The following SYAP1 variants were observed in gnomAD, a reference collection of about 807,000 sequenced individuals.
The protein encoded by SYAP1 is synapse-associated protein 1.
Under a neutral mutation model 29.6 loss-of-function variants are expected in SYAP1, and 3 were observed. That is an observed-to-expected ratio of 0.10 (90% CI 0.05 to 0.26). SYAP1 has a LOEUF of 0.26. Among genes scored for constraint, SYAP1 ranks in the 10% least tolerant of loss-of-function variants. The probability of loss-of-function intolerance (pLI) is 1.00; values close to 1 mark genes in which losing one functional copy is unlikely to be tolerated. For synonymous variants in SYAP1, 102 were observed against 102.7 expected (o/e 0.99, Z 0.04); for missense variants, 217 against 264.1 (o/e 0.82, Z 1.24).
Position 16,762,732 on chromosome X carries a change from G to T in SYAP1, c.*2373G>T, listed in dbSNP as rs1927010651. The T allele has an allele frequency of 8.9e-6, 1 of 111,908 alleles. No homozygotes were observed. The highest frequency in any genetic ancestry group is 3.2e-5 in the African/African-American group (1 of 30,779). The allele number at this position is 111,908 out of a possible 1,213,427, so 9.2% of individuals were successfully genotyped here. On this transcript the variant is annotated 3_prime_UTR_variant, in exon 9 of 9. Transcript: ENST00000380155. ...CTCAAAGAGTGTGGCTCAGGAACCA[G>T]TGTAGCTTGGCCATGCCCTGGCAGT... is the stretch of plus-strand genomic sequence containing the variant.
At chrX:16,726,183 A>G (rs1289368432) in intron 1 of SYAP1, among the ~76,000 whole-genome samples, 2 of 112,262 alleles carry the variant, frequency 1.8e-5, no homozygotes, top group Non-Finnish European at 3.8e-5. Flanking sequence ...CTTCTAAGCT[A>G]TACGTCTACG....
intron 3 of SYAP1, among the ~76,000 whole-genome samples, chrX:16,737,668 AT>A (rs1454220878): frequency 9.0e-6 from 1 of 111,614 alleles, no homozygotes; most frequent in African/African-American, 3.3e-5. Context: ...TGAGTTAGAC[AT>A]CCCGGAGATA....
At chrX:16,735,872 G>A (rs533326086) in intron 2 of SYAP1, among the ~76,000 whole-genome samples, 4 of 112,609 alleles carry the variant, frequency 3.6e-5, no homozygotes, top group African/African-American at 9.6e-5. Context: ...TGATCCACCC[G>A]CCTTGCCCTC....
chrX:16,737,221 AT>A (rs1168330675), intron 3 of SYAP1, among the ~76,000 whole-genome samples: 1 of 111,529 alleles, frequency 9.0e-6, no homozygotes, highest in African/African-American at 3.3e-5. Context: ...CTACAAAAAA[AT>A]AAAAAGAAAT....
At chrX:16,741,348 C>T (rs1267293805) in intron 3 of SYAP1, among the ~76,000 whole-genome samples, 4 of 110,702 alleles carry the variant, frequency 3.6e-5, no homozygotes, top group African/African-American at 1.3e-4. Flanking sequence ...CAGGCACGCA[C>T]AACGTCTGGC....
At chrX:16,757,612 A>T (rs1001535001) in intron 8 of SYAP1, among the ~76,000 whole-genome samples, 12 of 110,739 alleles carry the variant, frequency 1.1e-4, no homozygotes, top group Non-Finnish European at 1.9e-5. Context: ...AGTCCCAGCT[A>T]TTCGGAAGGC....
chrX:16,760,548 C>A lies in SYAP1; in HGVS notation c.*189C>A. 3.5e-6 allele frequency: 1 copy of A among 288,987 alleles called. No individual in the cohort carries two copies. Among genetic ancestry groups the A allele is most frequent in the Non-Finnish European group, 5.8e-6 (1 of 172,799 alleles). 23.8% of individuals were successfully genotyped at this position (288,987 alleles called of 1,213,427 possible). On this transcript the variant is annotated 3_prime_UTR_variant, in exon 9 of 9. Transcript: ENST00000380155. Reference sequence around the variant, plus strand: ...ATATAGAACAGTTACTTCTAATAATCAGAAAGAGATGTTTTATAGAACATT... The same window carrying A: ...ATATAGAACAGTTACTTCTAATAATAAGAAAGAGATGTTTTATAGAACATT...
At chrX:16,735,917 G>A (rs1198953713) in intron 2 of SYAP1, among the ~76,000 whole-genome samples, 1 of 112,516 alleles carries the variant, frequency 8.9e-6, no homozygotes, top group Non-Finnish European at 1.9e-5. Context: ...GAGCCACCAC[G>A]CCTGGCCAAC....
chrX:16,746,940 C>T (rs1026488347), intron 5 of SYAP1, among the ~76,000 whole-genome samples: 1 of 111,637 alleles, frequency 9.0e-6, no homozygotes, highest in Non-Finnish European at 1.9e-5. Flanking sequence ...CATATGCTCA[C>T]AAAATCATAG....
At chrX:16,751,222 G>T (rs1301803939) in intron 5 of SYAP1, among the ~76,000 whole-genome samples, 12 of 108,856 alleles carry the variant, frequency 1.1e-4, no homozygotes, top group African/African-American at 4.0e-4. Context: ...GGAGGCCGAG[G>T]CGGGCAGATC....
At chrX:16,753,239 C>T (rs1207734744) in intron 5 of SYAP1, among the ~76,000 whole-genome samples, 5 of 96,348 alleles carry the variant, frequency 5.2e-5, no homozygotes, top group Admixed American at 4.8e-4. Flanking sequence ...AGTGAGACTC[C>T]GTCTCAAAAA....
Position 16,757,150 on chromosome X carries a change from G to A in SYAP1, c.784-12G>A. The A allele has an allele frequency of 8.3e-7, 1 of 1,209,894 alleles. No individual in the cohort carries two copies. Among genetic ancestry groups the A allele is most frequent in the South Asian group, 1.8e-5 (1 of 56,588 alleles). On this transcript the variant is annotated splice_polypyrimidine_tract_variant and intron_variant, in intron 7 of 8. Transcript: ENST00000380155. ...AGCAAACCATTTCAAGAGCTCATTTGTTGCATTTCAGGATGAGGAAGAAAT... is the reference window on the plus strand; with the variant it reads ...AGCAAACCATTTCAAGAGCTCATTTATTGCATTTCAGGATGAGGAAGAAAT...
chrX:16,747,591 G>A (rs757914806), intron 5 of SYAP1, among the ~76,000 whole-genome samples: 73 of 112,292 alleles, frequency 6.5e-4, no homozygotes, highest in African/African-American at 2.2e-3. Context: ...ATTGTGGACC[G>A]CCCCCTCTCA....
intron 6 of SYAP1, 134 bp downstream of exon 6, chrX:16,755,227 A>G (rs1037259525): frequency 1.3e-5 from 8 of 635,834 alleles, no homozygotes; most frequent in Middle Eastern, 5.2e-4. Flanking sequence ...GGAAATCTTC[A>G]TTTTTCTCTT....
chrX:16,732,038 C>T (rs1003533469), intron 1 of SYAP1, among the ~76,000 whole-genome samples: 9 of 111,764 alleles, frequency 8.1e-5, no homozygotes, highest in Non-Finnish European at 1.7e-4. Flanking sequence ...TAGTATTTGG[C>T]AGAGATAAGT....
At chrX:16,749,910 CAAAAA>C (rs201193907) in intron 5 of SYAP1, among the ~76,000 whole-genome samples, 2 of 58,031 alleles carry the variant, frequency 3.4e-5, no homozygotes, top group South Asian at 1.1e-3. Flanking sequence ...GACTCCATCT[CAAAAA>C]AAAAAAAAAA....
chrX:16,757,334 A>G, intron 8 of SYAP1, 25 bp downstream of exon 8: 3 of 1,184,757 alleles, frequency 2.5e-6, no homozygotes, highest in Non-Finnish European at 3.4e-6. Flanking sequence ...AAATCAAAGC[A>G]AAGAAACTAT....
rs1237346020 is a variant in SYAP1, at chrX:16,762,591, A to G, written c.*2232A>G. ...TCACCATGTTTGGTGGAAAATTTCTAAGTATTTATTACATGCCTAGGGGTT... is the reference window on the plus strand; with the variant it reads ...TCACCATGTTTGGTGGAAAATTTCTGAGTATTTATTACATGCCTAGGGGTT... On this transcript the variant is annotated 3_prime_UTR_variant, in exon 9 of 9. Coordinates refer to ENST00000380155, the MANE Select transcript of SYAP1 (RefSeq NM_032796.4). 1 of 112,041 alleles carries G rather than the reference A, an allele frequency of 8.9e-6. No individual in the cohort carries two copies. The highest frequency in any genetic ancestry group is 1.9e-5 in the Non-Finnish European group (1 of 53,285). 9.2% of individuals were successfully genotyped at this position (112,041 alleles called of 1,213,427 possible).
chrX:16,760,380 T>C lies in SYAP1; in HGVS notation c.*21T>C. 1.7e-6 allele frequency: 2 copies of C among 1,165,959 alleles called. 1 individual carries two copies. The highest frequency in any genetic ancestry group is 4.2e-5 in the South Asian group (2 of 48,162). On this transcript the variant is annotated 3_prime_UTR_variant, in exon 9 of 9. Coordinates refer to ENST00000380155, the MANE Select transcript of SYAP1 (RefSeq NM_032796.4). ...ATTAGCTGTTCCTGAAATAGAAGAA[T>C]AATCCTTAACAGTCTGCAAACTGAC... is the stretch of plus-strand genomic sequence containing the variant.
Sources: allele counts gnomAD v4.1 joint callset (sites outside exome capture counted in the v4.1 genomes callset), GRCh38; gene constraint gnomAD v4.1.1; transcripts MANE v1.5; gene names NCBI Gene and HGNC (gene_info 2026-07-23, HGNC 2026-07-21).